Variants in CSRNP3 observed in about 807,000 individuals in gnomAD.
CSRNP3 encodes cysteine and serine rich nuclear protein 3, also known as cysteine/serine-rich nuclear protein 3.
In CSRNP3, 12 loss-of-function variants were observed where a neutral mutation model predicts 48.0. That is an observed-to-expected ratio of 0.25 (90% confidence interval 0.16 to 0.41). The LOEUF (loss-of-function observed/expected upper bound fraction) is 0.41. CSRNP3 is among the 10% of genes least tolerant of loss of function. CSRNP3 has a pLI of 1.00. For synonymous variants in CSRNP3, 263 were observed against 269.7 expected, an observed-to-expected ratio of 0.98 and a Z score of 0.24; for missense variants, 580 against 724.4, an observed-to-expected ratio of 0.80 and a Z score of 2.29.
chr2:165,645,190 TG>T (rs1686790560), intron 4 of CSRNP3, among the ~76,000 whole-genome samples: 1 of 152,030 alleles, frequency 6.6e-6, no homozygotes, highest in Non-Finnish European at 1.5e-5. Context: ...AAGAATGAGC[TG>T]GGTGTGGTGG....
At position 165,683,727 on chromosome 2, in the gene CSRNP3, TG is replaced by T. The variant is rs963369032; in HGVS notation, c.*3976del. 7.2e-5 allele frequency: 11 copies of T among 152,048 alleles called. No individual in the cohort carries two copies. Among genetic ancestry groups the T allele is most frequent in the Admixed American group, 2.0e-4 (3 of 15,236 alleles). The allele number at this position is 152,048 out of a possible 1,614,324, so 9.4% of individuals were successfully genotyped here. ...AAGAGGGGAACACTACAAATTATAA[TG>T]GATAATATTAATGAAGGGTGGCATG... On this transcript the variant is annotated 3_prime_UTR_variant, in exon 7 of 7. Transcript: ENST00000651982.
At chr2:165,534,928 A>G (rs1684862411) in intron 3 of CSRNP3, among the ~76,000 whole-genome samples, 4 of 151,772 alleles carry the variant, frequency 2.6e-5, no homozygotes, top group Non-Finnish European at 5.9e-5. Flanking sequence ...GCAAGTATAT[A>G]TAACACATAA....
intron 1 of CSRNP3, among the ~76,000 whole-genome samples, chr2:165,488,294 AG>A (rs1402599876): frequency 1.3e-4 from 7 of 52,272 alleles, no homozygotes; most frequent in Non-Finnish European, 2.7e-4. Context: ...AGATTCATAA[AG>A]CAAGTCCTGA....
intron 1 of CSRNP3, among the ~76,000 whole-genome samples, chr2:165,472,583 C>T (rs1683909336): frequency 6.6e-6 from 1 of 151,916 alleles, no homozygotes; most frequent in Admixed American, 6.6e-5. Flanking sequence ...TCAAAGGCAG[C>T]ACTGTCATCC....
chr2:165,606,744 G>A (rs1294759224), intron 4 of CSRNP3, among the ~76,000 whole-genome samples: 1 of 152,126 alleles, frequency 6.6e-6, no homozygotes, highest in Admixed American at 6.5e-5. Context: ...ATAGCCGGAT[G>A]TACATGTATA....
chr2:165,688,576 G>A lies in CSRNP3; in HGVS notation c.*8823G>A, dbSNP rs1393890588. On this transcript the variant is annotated 3_prime_UTR_variant, in exon 7 of 7. Coordinates refer to ENST00000651982, the MANE Select transcript of CSRNP3 (RefSeq NM_001172173.2). Reference sequence around the variant, plus strand: ...TGTCTTCATCTTGATCATAGTTTTAGACATCAACTATGTCTCACTTTCCAA... The same window carrying A: ...TGTCTTCATCTTGATCATAGTTTTAAACATCAACTATGTCTCACTTTCCAA... The A allele has an allele frequency of 1.3e-5, 2 of 152,040 alleles. No individual in the cohort carries two copies. The highest frequency in any genetic ancestry group is 2.9e-5 in the Non-Finnish European group (2 of 68,004). 9.4% of individuals were successfully genotyped at this position (152,040 alleles called of 1,614,324 possible). A position where few individuals can be genotyped will look rare whatever the true frequency, so the allele number is the denominator to read the frequency against.
At chr2:165,678,018 C>G (rs777345) in intron 6 of CSRNP3, among the ~76,000 whole-genome samples, 2 of 151,802 alleles carry the variant, frequency 1.3e-5, no homozygotes, top group African/African-American at 4.8e-5. Flanking sequence ...ACATGAGTCC[C>G]CCAGTCATAG....
intron 2 of CSRNP3, among the ~76,000 whole-genome samples, chr2:165,516,684 G>A (rs1260085054): frequency 1.3e-5 from 2 of 151,634 alleles, no homozygotes; most frequent in Non-Finnish European, 2.9e-5. Context: ...CCAAATCTGG[G>A]GTTACTCAGA....
chr2:165,522,117 C>T (rs993562867), intron 3 of CSRNP3, among the ~76,000 whole-genome samples: 1 of 151,952 alleles, frequency 6.6e-6, no homozygotes, highest in African/African-American at 2.4e-5. Context: ...ATGGCAAAGC[C>T]CCATCTCTAC....
intron 4 of CSRNP3, among the ~76,000 whole-genome samples, chr2:165,649,367 A>G (rs1174184632): frequency 6.6e-6 from 1 of 152,234 alleles, no homozygotes; most frequent in Non-Finnish European, 1.5e-5. Context: ...TTTCAATTTC[A>G]TATAGGAATG....
In CSRNP3 at chr2:165,494,601, G is replaced by A. The variant is rs370621804; in HGVS notation, c.-282-158G>A. 3.3e-5 allele frequency among the ~76,000 whole-genome samples: 5 copies of A among 152,196 alleles called. No homozygotes were observed. In the South Asian group the frequency reaches 1.0e-3, roughly 32 times the overall value. ...GAAAATAACGACTTAGGGTAGAATAGTTTTCAATGCTTTCCAACATTATGG... is the reference window on the plus strand; with the variant it reads ...GAAAATAACGACTTAGGGTAGAATAATTTTCAATGCTTTCCAACATTATGG... On this transcript the variant is annotated intron_variant, in intron 1 of 6. Coordinates refer to ENST00000651982, the MANE Select transcript of CSRNP3 (RefSeq NM_001172173.2).
At chr2:165,612,391 T>C (rs556493532) in intron 4 of CSRNP3, among the ~76,000 whole-genome samples, 1 of 152,198 alleles carries the variant, frequency 6.6e-6, no homozygotes, top group African/African-American at 2.4e-5. Flanking sequence ...ACTTCAGTAA[T>C]GGACTAGAAA....
chr2:165,507,645 T>C (rs1684445352), intron 2 of CSRNP3, among the ~76,000 whole-genome samples: 1 of 152,194 alleles, frequency 6.6e-6, no homozygotes, highest in African/African-American at 2.4e-5. Flanking sequence ...CATTACGTAC[T>C]CCATGTTGTT....
At chr2:165,532,918 A>G (rs947307233) in intron 3 of CSRNP3, among the ~76,000 whole-genome samples, 2 of 152,162 alleles carry the variant, frequency 1.3e-5, no homozygotes, top group African/African-American at 2.4e-5. Context: ...CACCAATAAC[A>G]GACAAACAGA....
At position 165,666,736 on chromosome 2, in the gene CSRNP3, AAGAG is replaced by A. The variant is rs533910110; in HGVS notation, c.408+8721_408+8724del. Among the ~76,000 whole-genome samples the A allele has an allele frequency of 4.9e-3, 661 of 133,822 alleles. 9 individuals are homozygous for A. The highest frequency in any genetic ancestry group is 0.018 in the African/African-American group (622 of 35,472). The allele number at this position is 133,822 out of a possible 152,430, so 87.8% of individuals were successfully genotyped here. A position where few individuals can be genotyped will look rare whatever the true frequency, so the allele number is the denominator to read the frequency against. On this transcript the variant is annotated intron_variant, in intron 5 of 6. Transcript: ENST00000651982. ...GGAAGGAAAGAGAGAGGAAAACAGA[AAGAG>A]AGAGGAAGGAAGGAGAGAGAGGAAG... is the stretch of plus-strand genomic sequence containing the variant.
chr2:165,610,381 C>A (rs1686116389), intron 4 of CSRNP3, among the ~76,000 whole-genome samples: 1 of 152,138 alleles, frequency 6.6e-6, no homozygotes, highest in Non-Finnish European at 1.5e-5. Context: ...ACATAGACTC[C>A]ATTTTAAATG....
intron 3 of CSRNP3, among the ~76,000 whole-genome samples, chr2:165,527,919 A>T (rs986052324): frequency 1.3e-5 from 2 of 151,988 alleles, no homozygotes; most frequent in African/African-American, 4.8e-5. Context: ...AGAGACAGGG[A>T]GACAGAGAGA....
chr2:165,664,219 T>C (rs1196318809), intron 5 of CSRNP3, among the ~76,000 whole-genome samples: 1 of 152,238 alleles, frequency 6.6e-6, no homozygotes. Flanking sequence ...ATGATATACA[T>C]ATTTTCCTTT....
At chr2:165,622,841 A>G (rs908682038) in intron 4 of CSRNP3, among the ~76,000 whole-genome samples, 7 of 152,194 alleles carry the variant, frequency 4.6e-5, no homozygotes, top group African/African-American at 1.7e-4. Context: ...TTAAAATTAT[A>G]TTACTAGAGA....
Sources: gnomAD v4.1 joint callset for allele counts (sites outside exome capture counted in the v4.1 genomes callset) on GRCh38, gnomAD v4.1.1 for gene constraint, MANE v1.5 for transcripts, NCBI Gene and HGNC (gene_info 2026-07-23, HGNC 2026-07-21) for gene names.